Variants in RTP2 observed in about 807,000 individuals in gnomAD.
RTP2 encodes the protein receptor-transporting protein 2.
Under a neutral mutation model 17.9 loss-of-function variants are expected in RTP2, and 12 were observed. The observed-to-expected ratio is 0.67, with a 90% CI of 0.43 to 1.09. The LOEUF (loss-of-function observed/expected upper bound fraction) is 1.09, where lower values mean the gene tolerates loss of function less well. Among genes scored for constraint, RTP2 ranks in the 50% least tolerant of loss-of-function variants. RTP2 has a pLI of 0.00. For synonymous variants in RTP2, 126 were observed against 117.7 expected (o/e 1.07, Z -0.46); for missense variants, 327 against 295.7 (o/e 1.11, Z -0.78).
At chr3:187,703,239 C>A (rs890269370), upstream of RTP2, among the ~76,000 whole-genome samples, 3 of 152,334 alleles carry the variant, frequency 2.0e-5, no homozygotes, top group African/African-American at 7.2e-5. Flanking sequence ...TCTTACGATT[C>A]TTTAACCCGG....
At chr3:187,701,867 G>C in intron 1 of RTP2, 98 bp downstream of exon 1, 6 of 1,115,198 alleles carry the variant, frequency 5.4e-6, no homozygotes, top group Non-Finnish European at 7.1e-6. Flanking sequence ...GCTGACACCA[G>C]AATAAGCCCG....
At chr3:187,711,393 C>T in the RTP2 span, among the ~76,000 whole-genome samples, 1 of 152,136 alleles carries the variant, frequency 6.6e-6, no homozygotes. Context: ...CACTGCTCTC[C>T]GGTTAGAAGT....
At chr3:187,708,375 C>T in the RTP2 span, among the ~76,000 whole-genome samples, 25 of 152,258 alleles carry the variant, frequency 1.6e-4, no homozygotes, top group Admixed American at 9.8e-4. Flanking sequence ...CTGCTGGTGC[C>T]GGTGCCATAA....
At chr3:187,704,781 C>A (rs181309865), upstream of RTP2, among the ~76,000 whole-genome samples, 2 of 152,138 alleles carry the variant, frequency 1.3e-5, no homozygotes, top group Non-Finnish European at 2.9e-5. Context: ...TAGCACTTAG[C>A]GACAGCATGG....
the RTP2 span, chr3:187,715,628 A>G: frequency 6.6e-6 from 3 of 456,352 alleles, no homozygotes; most frequent in Non-Finnish European, 1.3e-5. Context: ...ATAGAGTTGG[A>G]TTCGATCAGA....
At chr3:187,706,903 A>G (rs1718007196), upstream of RTP2, among the ~76,000 whole-genome samples, 1 of 152,190 alleles carries the variant, frequency 6.6e-6, no homozygotes, top group African/African-American at 2.4e-5. Context: ...GCCTGGCCAG[A>G]GTGAACATTT....
upstream of RTP2, among the ~76,000 whole-genome samples, chr3:187,704,068 T>C (rs1419361128): frequency 6.6e-6 from 1 of 152,216 alleles, no homozygotes; most frequent in Non-Finnish European, 1.5e-5. Flanking sequence ...AAATGTATAT[T>C]GTGTACAGCT....
At chr3:187,699,760 CA>C (rs1717795576) in intron 1 of RTP2, among the ~76,000 whole-genome samples, 1 of 91,414 alleles carries the variant, frequency 1.1e-5, no homozygotes, top group African/African-American at 3.5e-5. Flanking sequence ...CACACACACA[CA>C]CACACACACA....
rs1036701248 is a variant in RTP2, at chr3:187,699,820, A to C, written c.165-809T>G. ...TCTCTCTCTTACATGCACAGAGGCC[A>C]CTTGGCGTAACCTGGGCTTTCTAGA... is the stretch of plus-strand genomic sequence containing the variant. On this transcript the variant is annotated intron_variant, in intron 1 of 1. Transcript: ENST00000358241. Among the ~76,000 whole-genome samples, 3 of 150,926 alleles carry C rather than the reference A, an allele frequency of 2.0e-5. No homozygotes were observed. In the East Asian group the frequency reaches 5.9e-4, roughly 30 times the overall value.
chr3:187,705,729 C>G (rs1406625417), upstream of RTP2, among the ~76,000 whole-genome samples: 1 of 152,090 alleles, frequency 6.6e-6, no homozygotes, highest in African/African-American at 2.4e-5. Flanking sequence ...GCTGTTTGGC[C>G]CCAACACTTA....
chr3:187,702,141 A>G (rs1372758193), exon 1 of RTP2: 30 of 1,589,028 alleles, frequency 1.9e-5, no homozygotes, highest in Non-Finnish European at 2.5e-5. Flanking sequence ...TCCTGCTGGC[A>G]GAGGTGGCAG....
upstream of RTP2, among the ~76,000 whole-genome samples, chr3:187,705,486 T>A (rs972998838): frequency 3.5e-4 from 53 of 152,226 alleles, no homozygotes; most frequent in African/African-American, 1.3e-3. Context: ...GGCAGACTTT[T>A]AAAAATATAT....
the RTP2 span, among the ~76,000 whole-genome samples, chr3:187,708,765 C>T: frequency 6.6e-6 from 1 of 152,156 alleles, no homozygotes; most frequent in Non-Finnish European, 1.5e-5. Context: ...CATTTAAGCA[C>T]ACACAAGAAC....
At chr3:187,705,210 A>G (rs1717961820), upstream of RTP2, among the ~76,000 whole-genome samples, 1 of 152,188 alleles carries the variant, frequency 6.6e-6, no homozygotes, top group South Asian at 2.1e-4. Flanking sequence ...AAGGAAGAAT[A>G]TAGAGGGTCT....
the RTP2 span, among the ~76,000 whole-genome samples, chr3:187,709,051 AT>A: frequency 4.6e-5 from 7 of 151,836 alleles, no homozygotes; most frequent in Non-Finnish European, 8.8e-5. Flanking sequence ...ATTTCAAAAG[AT>A]ACAAAAATAT....
the RTP2 span, among the ~76,000 whole-genome samples, chr3:187,712,365 G>C: frequency 6.6e-6 from 1 of 152,076 alleles, no homozygotes; most frequent in African/African-American, 2.4e-5. Flanking sequence ...CTAGTATATG[G>C]TGAATGTCTA....
rs184968135 is a variant in RTP2, at chr3:187,698,299, C to T, written c.*199G>A. On this transcript the variant is annotated 3_prime_UTR_variant, in exon 2 of 2. Coordinates refer to ENST00000358241, the Ensembl canonical transcript of RTP2. ...TTTATTACACCCTTTTCCCCTTCCCCCAATTATTGTCACATCCAGTGAAAG... is the reference window on the plus strand; with the variant it reads ...TTTATTACACCCTTTTCCCCTTCCCTCAATTATTGTCACATCCAGTGAAAG... 636 of 574,430 alleles carry T rather than the reference C, an allele frequency of 1.1e-3. 3 individuals are homozygous for T. The highest frequency in any genetic ancestry group is 9.8e-3 in the African/African-American group (532 of 54,014). 35.6% of individuals were successfully genotyped at this position (574,430 alleles called of 1,614,324 possible).
At chr3:187,713,367 G>T in the RTP2 span, among the ~76,000 whole-genome samples, 3 of 152,226 alleles carry the variant, frequency 2.0e-5, no homozygotes, top group Admixed American at 6.5e-5. Context: ...GTTACCAGTG[G>T]AAGGTGTCCA....
chr3:187,711,684 C>T, the RTP2 span, among the ~76,000 whole-genome samples: 2 of 152,256 alleles, frequency 1.3e-5, no homozygotes, highest in African/African-American at 2.4e-5. Context: ...AGTCTAGAGC[C>T]AGATCTTGAT....
Sources: allele counts gnomAD v4.1 joint callset (sites outside exome capture counted in the v4.1 genomes callset), GRCh38; gene constraint gnomAD v4.1.1; transcripts MANE v1.5; gene names NCBI Gene and HGNC (gene_info 2026-07-23, HGNC 2026-07-21).